ZFR: variants seen among roughly 807,000 people sequenced by gnomAD.
ZFR encodes the protein zinc finger RNA-binding protein.
ZFR carries 19 observed loss-of-function variants against 130.7 expected under a neutral mutation model. The observed-to-expected ratio is 0.15, with a 90% confidence interval of 0.10 to 0.21. The LOEUF is 0.21. Ranked by LOEUF, ZFR falls within the 10% of genes least tolerant of loss-of-function variation. ZFR has a pLI of 1.00. For synonymous variants in ZFR, 466 were observed against 456.9 expected (o/e 1.02, Z -0.25); for missense variants, 872 against 1,321.5 (o/e 0.66, Z 5.27).
At chr5:32,396,272 T>C (rs1463979520) in intron 10 of ZFR, among the ~76,000 whole-genome samples, 2 of 152,128 alleles carry the variant, frequency 1.3e-5, no homozygotes, top group Admixed American at 1.3e-4. Flanking sequence ...ACCTCCATGT[T>C]GTTCAAGGGT....
At chr5:32,361,556 T>C (rs1337522660) in intron 19 of ZFR, among the ~76,000 whole-genome samples, 1 of 152,034 alleles carries the variant, frequency 6.6e-6, no homozygotes, top group Admixed American at 6.6e-5. Context: ...ATATCTCATA[T>C]ATAATAATGA....
intron 19 of ZFR, among the ~76,000 whole-genome samples, chr5:32,357,526 G>A (rs766334798): frequency 3.3e-5 from 5 of 152,120 alleles, no homozygotes; most frequent in Non-Finnish European, 5.9e-5. Flanking sequence ...TTGGCCTCCC[G>A]AAGTGCTGGG....
intron 19 of ZFR, among the ~76,000 whole-genome samples, chr5:32,362,505 A>G (rs1581676416): frequency 6.6e-6 from 1 of 152,156 alleles, no homozygotes; most frequent in East Asian, 1.9e-4. Context: ...TTATATATGC[A>G]CTAATTTATG....
chr5:32,371,001 G>A (rs1439235415), intron 17 of ZFR, among the ~76,000 whole-genome samples: 1 of 152,136 alleles, frequency 6.6e-6, no homozygotes, highest in African/African-American at 2.4e-5. Flanking sequence ...TTTGATAACA[G>A]AAAAAAAGTT....
Position 32,371,773 on chromosome 5 carries a change from TCTAA to T in ZFR, c.2835+7338_2835+7341del, listed in dbSNP as rs553333368. The stretch of plus-strand genomic sequence containing the variant: ...AGCAGAAAAATGGTAATCATTCACA[TCTAA>T]CTATTTCCAATAATAAATGCATTTG... On this transcript the variant is annotated intron_variant, in intron 17 of 19. Transcript: ENST00000265069. 4.8e-4 allele frequency among the ~76,000 whole-genome samples: 73 copies of T among 151,520 alleles called. 1 individual carries two copies. In the South Asian group the frequency reaches 0.012, roughly 24 times the overall value.
intron 17 of ZFR, among the ~76,000 whole-genome samples, chr5:32,367,441 TAATAAATAAATAAATAAATAAAGTA>T (rs1478600344): frequency 1.5e-5 from 2 of 129,164 alleles, no homozygotes; most frequent in Admixed American, 9.3e-5. Flanking sequence ...ATCTCAAAAA[TAATAAATAAATAAATAAATAAAGTA>T]AATAAATAAA....
intron 3 of ZFR, among the ~76,000 whole-genome samples, chr5:32,419,072 A>G (rs1393594338): frequency 6.6e-6 from 1 of 152,238 alleles, no homozygotes; most frequent in African/African-American, 2.4e-5. Flanking sequence ...TTTCAAGAAG[A>G]AAATATGTAA....
chr5:32,387,727 TA>T, intron 13 of ZFR, 28 bp from the exon 14 acceptor site: 1 of 1,584,772 alleles, frequency 6.3e-7, no homozygotes, highest in Non-Finnish European at 8.6e-7. Context: ...TATATTATGA[TA>T]TTTCTCTGCT....
At chr5:32,411,063 C>A (rs1442626325) in intron 5 of ZFR, among the ~76,000 whole-genome samples, 2 of 152,132 alleles carry the variant, frequency 1.3e-5, no homozygotes, top group Admixed American at 6.5e-5. Flanking sequence ...TACATCCATA[C>A]AATAAAATAC....
At chr5:32,356,878 T>C (rs1752328474) in intron 19 of ZFR, among the ~76,000 whole-genome samples, 1 of 152,232 alleles carries the variant, frequency 6.6e-6, no homozygotes, top group Non-Finnish European at 1.5e-5. Context: ...CCAAAATTTA[T>C]ACTGATTAAT....
chr5:32,401,232 C>G (rs547002162), intron 8 of ZFR, among the ~76,000 whole-genome samples: 33 of 152,148 alleles, frequency 2.2e-4, no homozygotes, highest in African/African-American at 7.2e-5. Flanking sequence ...AATCTGGATA[C>G]GGCGCTAAGT....
chr5:32,370,322 A>G (rs1013176425), intron 17 of ZFR, among the ~76,000 whole-genome samples: 1 of 8,854 alleles, frequency 1.1e-4, no homozygotes, highest in Non-Finnish European at 2.3e-4. Context: ...AGAGAGAGAG[A>G]GAGAGAGAGA....
chr5:32,397,162 G>C, intron 10 of ZFR, 57 bp downstream of exon 10: 1 of 1,546,596 alleles, frequency 6.5e-7, no homozygotes, highest in Non-Finnish European at 8.7e-7. Flanking sequence ...GAATGCTCTG[G>C]GTGTTTTTGT....
intron 2 of ZFR, among the ~76,000 whole-genome samples, chr5:32,439,055 A>G (rs1425786772): frequency 6.6e-6 from 1 of 152,226 alleles, no homozygotes; most frequent in African/African-American, 2.4e-5. Flanking sequence ...TACCTATTCT[A>G]TACAGGGATA....
chr5:32,410,181 C>T (rs1017388438), intron 5 of ZFR, among the ~76,000 whole-genome samples: 2 of 145,118 alleles, frequency 1.4e-5, no homozygotes, highest in Middle Eastern at 3.3e-3. Context: ...TGGCATGCAC[C>T]GAGGCAGGAT....
intron 19 of ZFR, among the ~76,000 whole-genome samples, chr5:32,359,675 G>A (rs1265757412): frequency 2.0e-5 from 3 of 152,184 alleles, no homozygotes; most frequent in Non-Finnish European, 4.4e-5. Context: ...CCTTGACCGG[G>A]TGCGGTGGCT....
At chr5:32,385,148 C>T (rs12655620) in intron 15 of ZFR, among the ~76,000 whole-genome samples, 142,528 of 152,180 alleles carry the variant, frequency 0.94, 66,838 homozygotes, top group African/African-American at 0.97. Flanking sequence ...ACTTCTTAAT[C>T]CAACTTAAAG....
At chr5:32,398,217 T>C (rs141797860) in intron 9 of ZFR, among the ~76,000 whole-genome samples, 87 of 152,346 alleles carry the variant, frequency 5.7e-4, no homozygotes, top group Admixed American at 1.0e-3. Flanking sequence ...TGTAGCTAGA[T>C]GTCTTAAATT....
chr5:32,423,951 T>G (rs1350368729), intron 2 of ZFR, among the ~76,000 whole-genome samples: 1 of 152,194 alleles, frequency 6.6e-6, no homozygotes, highest in Non-Finnish European at 1.5e-5. Flanking sequence ...AATAAAGATT[T>G]TTTAACCACT....
Sources: allele counts gnomAD v4.1 joint callset (sites outside exome capture counted in the v4.1 genomes callset), GRCh38; gene constraint gnomAD v4.1.1; transcripts MANE v1.5; gene names NCBI Gene and HGNC (gene_info 2026-07-23, HGNC 2026-07-21).